The following NEXMIF variants were observed in gnomAD, a reference collection of about 807,000 sequenced individuals.
NEXMIF encodes the protein XLMR protein related to neurite extension.
A neutral mutation model predicts 62.1 loss-of-function variants in NEXMIF; 8 were observed. That is an observed-to-expected ratio of 0.13 (90% CI 0.08 to 0.23). NEXMIF has a LOEUF of 0.23. Among genes scored for constraint, NEXMIF ranks in the 10% least tolerant of loss-of-function variants. NEXMIF has a pLI of 1.00. For missense variants in NEXMIF, 976 were observed against 1,113.3 expected (o/e 0.88, Z 1.75); for synonymous variants, 404 against 416.6 (o/e 0.97, Z 0.37).
chrX:74,785,244 A>G (rs2080257205), intron 1 of NEXMIF, among the ~76,000 whole-genome samples: 1 of 111,432 alleles, frequency 9.0e-6, no homozygotes, highest in Admixed American at 9.6e-5. Context: ...TTACAATGTC[A>G]TTATGAGGAT....
intron 2 of NEXMIF, among the ~76,000 whole-genome samples, chrX:74,744,945 C>CTCTCTCTCTA (rs1291364207): frequency 3.8e-5 from 4 of 103,943 alleles, no homozygotes; most frequent in Non-Finnish European, 5.9e-5. Flanking sequence ...CTCTCTCTCT[C>CTCTCTCTCTA]TCTCTTCTCT....
chrX:74,804,973 T>G (rs1220640460), intron 1 of NEXMIF, among the ~76,000 whole-genome samples: 1 of 111,977 alleles, frequency 8.9e-6, no homozygotes, highest in Non-Finnish European at 1.9e-5. Flanking sequence ...ACTCCCTCTG[T>G]GGGTGGGAAT....
At chrX:74,819,841 A>G (rs2080388764) in intron 1 of NEXMIF, among the ~76,000 whole-genome samples, 2 of 112,167 alleles carry the variant, frequency 1.8e-5, no homozygotes, top group Admixed American at 1.9e-4. Context: ...TACTGGGTAT[A>G]TACCCAAAGG....
intron 2 of NEXMIF, among the ~76,000 whole-genome samples, chrX:74,745,328 C>T (rs2080123169): frequency 9.0e-6 from 1 of 111,560 alleles, no homozygotes; most frequent in South Asian, 3.8e-4. Flanking sequence ...TTCTAATTCA[C>T]TAGGAATTTT....
intron 1 of NEXMIF, among the ~76,000 whole-genome samples, chrX:74,845,883 T>A (rs2080490357): frequency 9.0e-6 from 1 of 111,474 alleles, no homozygotes; most frequent in African/African-American, 3.3e-5. Flanking sequence ...GAGAAAGGTA[T>A]AACAGAAATG....
intron 1 of NEXMIF, among the ~76,000 whole-genome samples, chrX:74,856,436 T>C (rs1471568179): frequency 9.0e-6 from 1 of 111,566 alleles, no homozygotes; most frequent in African/African-American, 3.3e-5. Context: ...GTGGGAACCA[T>C]CTAGTGCCCC....
At chrX:74,795,007 T>C (rs945465727) in intron 1 of NEXMIF, among the ~76,000 whole-genome samples, 1 of 111,822 alleles carries the variant, frequency 8.9e-6, no homozygotes, top group Admixed American at 9.5e-5. Flanking sequence ...TCCCATCCCA[T>C]TGATATTCTA....
At chrX:74,882,458 C>T (rs1272433937) in intron 1 of NEXMIF, among the ~76,000 whole-genome samples, 1 of 112,298 alleles carries the variant, frequency 8.9e-6, no homozygotes, top group Non-Finnish European at 1.9e-5. Flanking sequence ...TAATACTGTG[C>T]TTTTCCAACG....
intron 1 of NEXMIF, among the ~76,000 whole-genome samples, chrX:74,803,108 T>A (rs1023797211): frequency 1.8e-5 from 2 of 111,270 alleles, no homozygotes; most frequent in African/African-American, 6.5e-5. Context: ...TTACTGGCCT[T>A]AAAGAGGAGG....
chrX:74,912,797 C>G, intron 1 of NEXMIF, among the ~76,000 whole-genome samples: 1 of 111,658 alleles, frequency 9.0e-6, no homozygotes, highest in Middle Eastern at 4.6e-3. Flanking sequence ...TAGCCACTAA[C>G]CATACATGGC....
At chrX:74,904,528 A>T (rs886546268) in intron 1 of NEXMIF, among the ~76,000 whole-genome samples, 1 of 112,093 alleles carries the variant, frequency 8.9e-6, no homozygotes, top group African/African-American at 3.2e-5. Context: ...AAAAAGCAAG[A>T]TAGGGTACAA....
chrX:74,759,055 C>T (rs1034754855), intron 1 of NEXMIF, among the ~76,000 whole-genome samples: 2 of 112,169 alleles, frequency 1.8e-5, no homozygotes, highest in Non-Finnish European at 3.8e-5. Context: ...TACAACTTCG[C>T]CAACATCTGT....
rs1384896807 is a variant in NEXMIF at position 74,739,331 on chromosome X, AT to A, written c.*73del. 12 of 691,171 alleles carry A rather than the reference AT, an allele frequency of 1.7e-5. No homozygotes were observed. The highest frequency in any genetic ancestry group is 2.5e-5 in the Non-Finnish European group (12 of 472,902). The allele number at this position is 691,171 out of a possible 1,213,427, so 57.0% of individuals were successfully genotyped here. A position where few individuals can be genotyped will look rare whatever the true frequency, so the allele number is the denominator to read the frequency against. ...CAAAGACGTATTCCCACAATTTAAAATTCTTTTCTTTAAGCACTTACATGTC... is the reference window on the plus strand; with the variant it reads ...CAAAGACGTATTCCCACAATTTAAAATCTTTTCTTTAAGCACTTACATGTC... On this transcript the variant is annotated 3_prime_UTR_variant, in exon 4 of 4. Coordinates refer to ENST00000055682, the MANE Select transcript of NEXMIF (RefSeq NM_001008537.3).
chrX:74,760,841 GATTTATTTATTTATTT>G lies in NEXMIF; in HGVS notation c.-47-15160_-47-15145del, dbSNP rs74679235. Among the ~76,000 whole-genome samples, 340 of 89,447 alleles carry G rather than the reference GATTTATTTATTTATTT, an allele frequency of 3.8e-3. 2 individuals carry two copies. The highest frequency in any genetic ancestry group is 0.012 in the African/African-American group (300 of 24,685). The allele number at this position is 89,447 out of a possible 115,157, so 77.7% of individuals were successfully genotyped here. ...TGTTCATCAAGGTTATTGGCCCTAAGATTTATTTATTTATTTATTTATTTATTTATTTATTTATTTA... is the reference window on the plus strand; with the variant it reads ...TGTTCATCAAGGTTATTGGCCCTAAGATTTATTTATTTATTTATTTATTTA... On this transcript the variant is annotated intron_variant, in intron 1 of 3. Coordinates refer to ENST00000055682, the MANE Select transcript of NEXMIF (RefSeq NM_001008537.3).
At chrX:74,783,480 T>C (rs1452564844) in intron 1 of NEXMIF, among the ~76,000 whole-genome samples, 2 of 111,752 alleles carry the variant, frequency 1.8e-5, no homozygotes, top group South Asian at 3.7e-4. Context: ...CTACATTACA[T>C]TGTATATGAA....
chrX:74,921,550 C>T (rs1422662067), intron 1 of NEXMIF, among the ~76,000 whole-genome samples: 1 of 111,010 alleles, frequency 9.0e-6, no homozygotes, highest in South Asian at 3.8e-4. Context: ...CTTATGGGTA[C>T]GTAGTAGGTG....
chrX:74,871,608 C>A (rs929476664), intron 1 of NEXMIF, among the ~76,000 whole-genome samples: 1 of 111,136 alleles, frequency 9.0e-6, no homozygotes, highest in Non-Finnish European at 1.9e-5. Flanking sequence ...GAGCAGCCAT[C>A]TATAGACCTA....
intron 1 of NEXMIF, among the ~76,000 whole-genome samples, chrX:74,892,370 T>A (rs1022806925): frequency 8.9e-6 from 1 of 112,177 alleles, no homozygotes; most frequent in Non-Finnish European, 1.9e-5. Context: ...TGCGTAGGTC[T>A]AATAAAACAT....
At chrX:74,891,657 G>A (rs890227834) in intron 1 of NEXMIF, among the ~76,000 whole-genome samples, 2 of 111,718 alleles carry the variant, frequency 1.8e-5, no homozygotes, top group African/African-American at 6.5e-5. Flanking sequence ...CTTAAATTAG[G>A]GGGTGGTTCA....
Sources: allele counts gnomAD v4.1 joint callset (sites outside exome capture counted in the v4.1 genomes callset), GRCh38; gene constraint gnomAD v4.1.1; transcripts MANE v1.5; gene names NCBI Gene and HGNC (gene_info 2026-07-23, HGNC 2026-07-21).